WDR72: variants seen among roughly 807,000 people sequenced by gnomAD.
WDR72 encodes the protein WD repeat domain 72.
In WDR72, 120 loss-of-function variants were observed where a neutral mutation model predicts 124.2. The observed-to-expected ratio is 0.97, with a 90% CI of 0.83 to 1.12. The LOEUF is 1.12. Ranked by LOEUF, WDR72 falls within the 50% of genes most tolerant of loss-of-function variation. The pLI is 0.00. For missense variants in WDR72, 1,387 were observed against 1,278.8 expected (o/e 1.08, Z -1.29); for synonymous variants, 452 against 441.7 (o/e 1.02, Z -0.29).
intron 13 of WDR72, among the ~76,000 whole-genome samples, chr15:53,678,589 T>C (rs948125635): frequency 3.3e-5 from 5 of 152,228 alleles, no homozygotes; most frequent in African/African-American, 1.2e-4. Flanking sequence ...TTATCTCTAC[T>C]ATAGAGGGAG....
chr15:53,712,976 A>G, intron 6 of WDR72, 85 bp from the exon 7 acceptor site: 1 of 1,471,376 alleles, frequency 6.8e-7, no homozygotes, highest in Non-Finnish European at 9.4e-7. Flanking sequence ...GTACATCTCA[A>G]GTAGATCACA....
intron 18 of WDR72, among the ~76,000 whole-genome samples, chr15:53,529,164 A>ATATATATATATTTTTTTTTTTTTT (rs59003623): frequency 1.3e-5 from 1 of 78,168 alleles, no homozygotes; most frequent in African/African-American, 5.0e-5. Flanking sequence ...ATATATATAT[A>ATATATATATATTTTTTTTTTTTTT]TTTTTTTTTT....
chr15:53,703,468 C>T (rs2017246879), intron 11 of WDR72, among the ~76,000 whole-genome samples: 2 of 151,596 alleles, frequency 1.3e-5, no homozygotes, highest in South Asian at 4.2e-4. Context: ...CTAGATATGT[C>T]ACCACATCTA....
intron 1 of WDR72, among the ~76,000 whole-genome samples, chr15:53,741,117 T>C (rs2018496879): frequency 1.3e-5 from 2 of 152,220 alleles, no homozygotes; most frequent in Non-Finnish European, 2.9e-5. Context: ...ATTTGTCTAT[T>C]GCTATAATTG....
chr15:53,759,806 C>G (rs1353270119), upstream of WDR72: 1 of 150,970 alleles, frequency 6.6e-6, no homozygotes, highest in Non-Finnish European at 1.5e-5. Context: ...CGGGTGCACC[C>G]GCTCTCCCTT....
At position 53,733,127 on chromosome 15, in the gene WDR72, A is replaced by G. The variant is rs1414500978; in HGVS notation, c.23T>C (p.Val8Ala). The G allele has an allele frequency of 6.2e-7, 1 of 1,614,034 alleles. No individual in the cohort carries two copies. The highest frequency in any genetic ancestry group is 1.7e-5 in the Admixed American group (1 of 60,012). ...AGGGGCCTTCTGTCCCCAGAGTGCCACTGCCTGCAGGGAAGTCCTCATTTT... is the reference window on the plus strand; with the variant it reads ...AGGGGCCTTCTGTCCCCAGAGTGCCGCTGCCTGCAGGGAAGTCCTCATTTT... Reference protein sequence around the residue: MRTSLQAVALWGQKAPPH... With the variant: MRTSLQAAALWGQKAPPH... The change falls in exon 2 of 20, where the codon GTG becomes GCG. Residue 8 changes from valine (V) to alanine (A), a missense_variant. Val to Ala is a moderately conservative substitution (Grantham distance 64). Transcript: ENST00000360509.
chr15:53,596,909 G>T (rs2012802839), intron 18 of WDR72, among the ~76,000 whole-genome samples, 170 bp downstream of exon 18: 1 of 152,136 alleles, frequency 6.6e-6, no homozygotes, highest in Admixed American at 6.6e-5. Context: ...TCAACTTACA[G>T]TGGGTTTAGC....
chr15:53,722,711 G>A, intron 3 of WDR72, 91 bp downstream of exon 3: 1 of 1,114,336 alleles, frequency 9.0e-7, no homozygotes, highest in Non-Finnish European at 1.4e-6. Flanking sequence ...TGATCACAAA[G>A]GTTTCCTTCA....
chr15:53,527,492 A>G (rs1892192882), intron 18 of WDR72, among the ~76,000 whole-genome samples: 1 of 152,084 alleles, frequency 6.6e-6, no homozygotes, highest in Admixed American at 6.6e-5. Context: ...CTGCTGTTGG[A>G]CAGATGGAGC....
At chr15:53,736,787 C>A (rs58014012) in intron 1 of WDR72, among the ~76,000 whole-genome samples, 9,028 of 152,048 alleles carry the variant, frequency 0.059, 925 homozygotes, top group African/African-American at 0.21. Flanking sequence ...AGGAGGGCAT[C>A]CACACAGAGG....
chr15:53,747,007 A>G (rs761642397), intron 1 of WDR72, among the ~76,000 whole-genome samples: 2 of 152,158 alleles, frequency 1.3e-5, no homozygotes, highest in Non-Finnish European at 2.9e-5. Context: ...GAAACTGAGG[A>G]AAGCTGGAGA....
chr15:53,680,835 G>GGAACCT (rs1247927893), intron 13 of WDR72, among the ~76,000 whole-genome samples: 1 of 152,284 alleles, frequency 6.6e-6, no homozygotes, highest in South Asian at 2.1e-4. Flanking sequence ...TCAGTGGAAT[G>GGAACCT]GAACCTGCTT....
chr15:53,528,333 C>G (rs568565777), intron 18 of WDR72, among the ~76,000 whole-genome samples: 10 of 152,192 alleles, frequency 6.6e-5, no homozygotes, highest in Admixed American at 1.3e-4. Context: ...AGACTTTAGG[C>G]TTACTTTGTC....
intron 1 of WDR72, among the ~76,000 whole-genome samples, chr15:53,757,977 T>TTCTC (rs5812712): frequency 0.043 from 6,357 of 148,704 alleles, 238 homozygotes; most frequent in African/African-American, 0.1. Context: ...AGAGTTTATT[T>TTCTC]TCTCTCTCTC....
intron 14 of WDR72, among the ~76,000 whole-genome samples, chr15:53,620,725 G>C (rs1487631963): frequency 6.6e-6 from 1 of 152,092 alleles, no homozygotes; most frequent in African/African-American, 2.4e-5. Context: ...AACTCTTCTA[G>C]ACATCAGCCT....
intron 13 of WDR72, among the ~76,000 whole-genome samples, chr15:53,686,053 A>G (rs2016609476): frequency 6.7e-6 from 1 of 150,248 alleles, no homozygotes; most frequent in Admixed American, 6.6e-5. Flanking sequence ...AAGAGCTCCT[A>G]AAGGAAGTGC....
At chr15:53,533,760 C>T (rs1284682594) in intron 18 of WDR72, among the ~76,000 whole-genome samples, 1 of 152,160 alleles carries the variant, frequency 6.6e-6, no homozygotes, top group African/African-American at 2.4e-5. Flanking sequence ...CGCACAGATG[C>T]CCAGTTTGAG....
At chr15:53,565,736 G>C (rs769172801) in intron 18 of WDR72, among the ~76,000 whole-genome samples, 2 of 150,338 alleles carry the variant, frequency 1.3e-5, no homozygotes, top group Non-Finnish European at 3.0e-5. Context: ...TAGTACCTAA[G>C]TCATTTCAAA....
rs370987272 is a variant in WDR72 at position 53,734,035 on chromosome 15, A to G, written c.-12-874T>C. ...CCACATTGCTTTGAGAAAGTCAAGA[A>G]AATGAAAACCTTCTGTCCTGCAGGA... On this transcript the variant is annotated intron_variant, in intron 1 of 19. Transcript: ENST00000360509. Among the ~76,000 whole-genome samples the G allele has an allele frequency of 5.9e-5, 9 of 152,354 alleles. No homozygotes were observed. In the South Asian group the frequency reaches 1.2e-3, roughly 21 times the overall value.
Sources: allele counts gnomAD v4.1 joint callset (sites outside exome capture counted in the v4.1 genomes callset), GRCh38; gene constraint gnomAD v4.1.1; transcripts MANE v1.5; gene names NCBI Gene and HGNC (gene_info 2026-07-23, HGNC 2026-07-21).